The following ANLN variants were observed in gnomAD, a reference collection of about 807,000 sequenced individuals.
The protein encoded by ANLN is anillin, actin binding protein, also known as anillin.
In ANLN, 59 loss-of-function variants were observed where a neutral mutation model predicts 135.1. That is an observed-to-expected ratio of 0.44 (90% CI 0.35 to 0.54). The LOEUF (loss-of-function observed/expected upper bound fraction) is 0.54, where lower values mean the gene tolerates loss of function less well. ANLN is among the 20% of genes least tolerant of loss of function. The probability of loss-of-function intolerance (pLI) is 0.00; values close to 1 mark genes in which losing one functional copy is unlikely to be tolerated. For synonymous variants in ANLN, 406 were observed against 456.4 expected (o/e 0.89, Z 1.41); for missense variants, 1,182 against 1,340.0 (o/e 0.88, Z 1.84).
At chr7:36,390,073 A>G (rs1206939159) in intron 1 of ANLN, 29 bp downstream of exon 1, 1 of 1,613,116 alleles carries the variant, frequency 6.2e-7, no homozygotes, top group Non-Finnish European at 8.5e-7. Context: ...GCAGCCAGCC[A>G]TGACCCACCG....
chr7:36,407,773 G>C lies in ANLN; in HGVS notation c.913G>C (p.Asp305His). 6.2e-7 allele frequency: 1 copy of C among 1,613,654 alleles called. No individual in the cohort carries two copies. The highest frequency in any genetic ancestry group is 1.3e-5 in the African/African-American group (1 of 74,998). Reference protein sequence around the residue: ...SPVKSTTSITDAKSCEGQNPE... With the variant: ...SPVKSTTSITHAKSCEGQNPE... ...AGTGAAATCTACTACATCTATCACTGATGCTAAAAGTTGTGAGGGACAAAA... is the reference window on the plus strand; with the variant it reads ...AGTGAAATCTACTACATCTATCACTCATGCTAAAAGTTGTGAGGGACAAAA... Residue 305 changes from aspartate (D) to histidine (H), a missense_variant, in exon 5 of 24, where the codon GAT (aspartate) becomes CAT (histidine). By Grantham distance (81) the Asp-to-His change is moderately conservative. Transcript: ENST00000265748.
chr7:36,449,588 C>T, intron 22 of ANLN, 77 bp from the exon 23 acceptor site: 43 of 1,061,770 alleles, frequency 4.0e-5, no homozygotes, highest in South Asian at 1.9e-4. Flanking sequence ...TAATTTGTAC[C>T]AACTTAAATG....
chr7:36,424,693 A>C lies in ANLN; in HGVS notation c.2660A>C (p.Lys887Thr), dbSNP rs369223882. 7 of 1,612,552 alleles carry C rather than the reference A, an allele frequency of 4.3e-6. No homozygotes were observed. The highest frequency in any genetic ancestry group is 5.9e-6 in the Non-Finnish European group (7 of 1,179,382). ...CTTTGGGTTTGTGCGTAGGTGCAAA[A>C]GAAAGATCCCTCAGGCCTTGATAAG... is the stretch of plus-strand genomic sequence containing the variant. ...INIEVYSLVQ[K>T]KDPSGLDKKK... The change falls in exon 17 of 24, where the codon AAG becomes ACG. Residue 887 changes from lysine (K) to threonine (T), a missense_variant. Lys to Thr is a moderately conservative substitution (Grantham distance 78, BLOSUM62 -1). Transcript: ENST00000265748.
At chr7:36,401,400 G>T in intron 3 of ANLN, among the ~76,000 whole-genome samples, 1 of 152,016 alleles carries the variant, frequency 6.6e-6, no homozygotes, top group East Asian at 1.9e-4. Flanking sequence ...GTGCAGTGGC[G>T]CAATCTCGGC....
Position 36,449,763 on chromosome 7 carries a change from T to C in ANLN, c.3177T>C (p.Ile1059=). The stretch of plus-strand genomic sequence containing the variant: ...CAAGACGCAACACTTTTGAATTAAT[T>C]ACTGTCCGACCACAAAGAGAAGATG... ...FCARRNTFEL[I]TVRPQREDDR... The change falls in exon 23 of 24, where the codon ATT becomes ATC. Residue 1059 remains isoleucine (I), a synonymous_variant. Transcript: ENST00000265748. The C allele has an allele frequency of 6.2e-7, 1 of 1,614,166 alleles. No individual in the cohort carries two copies. The highest frequency in any genetic ancestry group is 1.1e-5 in the South Asian group (1 of 91,084).
Position 36,390,055 on chromosome 7 carries a change from T to G in ANLN, c.18+11T>G. ...GATCCGTTTACGGAGGTGAGTGAGTTTGCGGGTGCAGCCAGCCATGACCCA... is the reference window on the plus strand; with the variant it reads ...GATCCGTTTACGGAGGTGAGTGAGTGTGCGGGTGCAGCCAGCCATGACCCA... On this transcript the variant is annotated intron_variant, in intron 1 of 23. Coordinates refer to ENST00000265748, the MANE Select transcript of ANLN (RefSeq NM_018685.5). 6.2e-7 allele frequency: 1 copy of G among 1,613,742 alleles called. No homozygotes were observed.
At chr7:36,443,933 C>T in intron 22 of ANLN, 71 bp downstream of exon 22, 1 of 1,014,480 alleles carries the variant, frequency 9.9e-7, no homozygotes, top group Non-Finnish European at 1.5e-6. Context: ...GCAAATGTTC[C>T]CTCTGGCCCC....
At chr7:36,420,351 G>T (rs976201382) in intron 11 of ANLN, 37 bp downstream of exon 11, 1 of 1,603,896 alleles carries the variant, frequency 6.2e-7, no homozygotes, top group Non-Finnish European at 8.5e-7. Context: ...CTCACTAAGG[G>T]TCATGGTTTA....
At chr7:36,431,561 T>TGTGTG (rs1788311850) in intron 20 of ANLN, among the ~76,000 whole-genome samples, 11 of 76,040 alleles carry the variant, frequency 1.4e-4, no homozygotes, top group Admixed American at 3.7e-4. Flanking sequence ...ATGTGTGTGT[T>TGTGTG]TGTGTGTGTG....
rs1463081627 is a variant in ANLN, at chr7:36,411,174, A to G, written c.1395+8A>G. 1 of 1,592,872 alleles carries G rather than the reference A, an allele frequency of 6.3e-7. No individual in the cohort carries two copies. The highest frequency in any genetic ancestry group is 8.5e-7 in the Non-Finnish European group (1 of 1,174,034). The stretch of plus-strand genomic sequence containing the variant: ...CAACTAGAAACCAAACAGGTAATGT[A>G]AACAAGAAATATAAAAACGAACTTG... On this transcript the variant is annotated splice_region_variant and intron_variant, in intron 7 of 23. Coordinates refer to ENST00000265748, the MANE Select transcript of ANLN (RefSeq NM_018685.5).
intron 14 of ANLN, among the ~76,000 whole-genome samples, chr7:36,423,325 TG>T (rs927571822): frequency 6.6e-6 from 1 of 152,084 alleles, no homozygotes; most frequent in African/African-American, 2.4e-5. Flanking sequence ...CTGATTTTGA[TG>T]GGGTGTGGGC....
At chr7:36,393,031 C>CA in intron 1 of ANLN, among the ~76,000 whole-genome samples, 1 of 145,980 alleles carries the variant, frequency 6.9e-6, no homozygotes, top group Admixed American at 7.0e-5. Context: ...TTTCTTTTTT[C>CA]GTTTTTTTTT....
chr7:36,409,626 A>G (rs1479474041), intron 5 of ANLN, among the ~76,000 whole-genome samples: 7 of 151,990 alleles, frequency 4.6e-5, no homozygotes, highest in Non-Finnish European at 8.8e-5. Context: ...AATTTACTTC[A>G]TACTATTTCA....
intron 20 of ANLN, among the ~76,000 whole-genome samples, chr7:36,427,776 A>T (rs574103301): frequency 6.6e-6 from 1 of 152,304 alleles, no homozygotes; most frequent in South Asian, 2.1e-4. Context: ...TCCTTCTCAT[A>T]CTTCCCTTTC....
At chr7:36,405,397 A>G (rs772292139) in intron 3 of ANLN, among the ~76,000 whole-genome samples, 4 of 152,210 alleles carry the variant, frequency 2.6e-5, no homozygotes, top group Non-Finnish European at 4.4e-5. Context: ...GAGAGGGCTT[A>G]TTTCGAGCAA....
intron 3 of ANLN, chr7:36,403,407 CTG>C (rs568956115): frequency 9.9e-4 from 151 of 152,270 alleles, no homozygotes; most frequent in African/African-American, 3.4e-3. Flanking sequence ...AGTTGCAAGA[CTG>C]TGAAGGATAA....
Position 36,438,561 on chromosome 7 carries a change from G to A in ANLN, c.2884-643G>A, listed in dbSNP as rs984598378. The stretch of plus-strand genomic sequence containing the variant: ...TAATTTTTTCATGTTTAATAGAGAC[G>A]AGGTCTCGCTATGTTACCCAGGCTG... On this transcript the variant is annotated intron_variant, in intron 20 of 23. Transcript: ENST00000265748. Among the ~76,000 whole-genome samples, 7 of 152,188 alleles carry A rather than the reference G, an allele frequency of 4.6e-5. 1 individual carries two copies. In the South Asian group the frequency reaches 8.3e-4, roughly 18 times the overall value.
At chr7:36,431,652 T>G (rs1171884198) in intron 20 of ANLN, among the ~76,000 whole-genome samples, 1 of 143,036 alleles carries the variant, frequency 7.0e-6, no homozygotes, top group East Asian at 2.1e-4. Flanking sequence ...TATTCTTGAT[T>G]TCAGGGACAA....
intron 1 of ANLN, among the ~76,000 whole-genome samples, chr7:36,391,747 A>T (rs535078571): frequency 6.6e-6 from 1 of 152,218 alleles, no homozygotes; most frequent in Non-Finnish European, 1.5e-5. Flanking sequence ...TATTTTCTCA[A>T]TTCTCCCAAG....
Sources: allele counts gnomAD v4.1 joint callset (sites outside exome capture counted in the v4.1 genomes callset), GRCh38; gene constraint gnomAD v4.1.1; transcripts MANE v1.5; gene names NCBI Gene and HGNC (gene_info 2026-07-23, HGNC 2026-07-21).